The following OR9Q1 variants were observed in gnomAD, a reference collection of about 807,000 sequenced individuals.
The protein encoded by OR9Q1 is olfactory receptor family 9 subfamily Q member 1.
For synonymous variants in OR9Q1, 153 were observed against 148.6 expected (o/e 1.03, Z -0.22); for missense variants, 374 against 378.8 (o/e 0.99, Z 0.11).
chr11:58,037,689 ATTTTTTTTTTTTTTTTTTTTTTTTT>A (rs554392577), intron 1 of OR9Q1, among the ~76,000 whole-genome samples: 90 of 6,936 alleles, frequency 0.013, no homozygotes, highest in African/African-American at 0.034. Flanking sequence ...ATATATATAT[ATTTTTTTTTTTTTTTTTTTTTTTTT>A]TTTTTTTTTT....
intron 2 of OR9Q1, among the ~76,000 whole-genome samples, chr11:58,086,558 A>G (rs761604898): frequency 6.6e-6 from 1 of 151,932 alleles, no homozygotes; most frequent in Non-Finnish European, 1.5e-5. Context: ...CTACCATCCC[A>G]TGTTCATTGA....
At chr11:58,035,364 A>AT (rs1853091636) in intron 1 of OR9Q1, among the ~76,000 whole-genome samples, 2 of 152,266 alleles carry the variant, frequency 1.3e-5, no homozygotes, top group South Asian at 2.1e-4. Context: ...GCACTTAATC[A>AT]TTTTTTGTAT....
At chr11:58,064,498 T>C (rs1212031699) in intron 2 of OR9Q1, among the ~76,000 whole-genome samples, 5 of 152,114 alleles carry the variant, frequency 3.3e-5, no homozygotes, top group Non-Finnish European at 2.9e-5. Context: ...GGGCTCTGAC[T>C]CCAGGAAGGT....
At chr11:58,089,813 T>C (rs1853667234) in intron 2 of OR9Q1, among the ~76,000 whole-genome samples, 2 of 151,920 alleles carry the variant, frequency 1.3e-5, no homozygotes, top group Admixed American at 6.5e-5. Context: ...TTTGTTTGTG[T>C]CCTCTCTTAT....
chr11:58,059,645 A>C (rs1202174808), intron 2 of OR9Q1, among the ~76,000 whole-genome samples: 1 of 126,456 alleles, frequency 7.9e-6, no homozygotes, highest in African/African-American at 2.9e-5. Flanking sequence ...TCAAGATTGC[A>C]CCACTGCACT....
chr11:58,114,278 A>G (rs1250564313), intron 2 of OR9Q1, among the ~76,000 whole-genome samples: 1 of 152,132 alleles, frequency 6.6e-6, no homozygotes, highest in Non-Finnish European at 1.5e-5. Flanking sequence ...ATCCAATTGT[A>G]TCCTTGGGTG....
At chr11:58,159,499 G>C (rs1398217077) in intron 2 of OR9Q1, among the ~76,000 whole-genome samples, 1 of 151,984 alleles carries the variant, frequency 6.6e-6, no homozygotes, top group Non-Finnish European at 1.5e-5. Flanking sequence ...TGGAGGGATT[G>C]AGAAAGCTTT....
At chr11:58,132,707 A>G (rs959754793) in intron 2 of OR9Q1, among the ~76,000 whole-genome samples, 5 of 152,170 alleles carry the variant, frequency 3.3e-5, no homozygotes, top group Non-Finnish European at 5.9e-5. Context: ...CCTCATCCCC[A>G]GGGTGAGGTT....
chr11:58,139,677 C>T (rs1048300846), intron 2 of OR9Q1, among the ~76,000 whole-genome samples: 2 of 152,046 alleles, frequency 1.3e-5, no homozygotes, highest in African/African-American at 4.8e-5. Flanking sequence ...TTAATCCAGT[C>T]TATCATTGTT....
At chr11:58,068,465 G>A (rs1195902439) in intron 2 of OR9Q1, among the ~76,000 whole-genome samples, 8 of 152,232 alleles carry the variant, frequency 5.3e-5, no homozygotes, top group African/African-American at 1.2e-4. Context: ...AACAGCCCAC[G>A]GGAATGAGCC....
At chr11:58,151,452 A>C (rs543430546) in intron 2 of OR9Q1, among the ~76,000 whole-genome samples, 24 of 152,194 alleles carry the variant, frequency 1.6e-4, no homozygotes, top group Non-Finnish European at 3.4e-4. Context: ...TACTTGGGGA[A>C]GGGGATGTTC....
intron 1 of OR9Q1, among the ~76,000 whole-genome samples, chr11:58,037,689 A>ATAGTT (rs1853119570): frequency 1.4e-4 from 1 of 6,998 alleles, no homozygotes; most frequent in Non-Finnish European, 2.6e-4. Flanking sequence ...ATATATATAT[A>ATAGTT]TTTTTTTTTT....
chr11:58,041,286 G>C (rs114500886), intron 1 of OR9Q1: 2,096 of 152,950 alleles, frequency 0.014, 37 homozygotes, highest in African/African-American at 0.047. Flanking sequence ...TGTCTGCCTG[G>C]GTGGCATGGA....
chr11:58,060,933 C>T (rs909592480), intron 2 of OR9Q1, among the ~76,000 whole-genome samples: 2 of 152,138 alleles, frequency 1.3e-5, no homozygotes, highest in Non-Finnish European at 2.9e-5. Context: ...TGGTTCATGC[C>T]AGCCCTGGGA....
intron 2 of OR9Q1, among the ~76,000 whole-genome samples, chr11:58,115,367 CA>C (rs1853943002): frequency 6.6e-6 from 1 of 152,090 alleles, no homozygotes; most frequent in Middle Eastern, 3.4e-3. Flanking sequence ...GGATATTGTA[CA>C]AATTAAATAA....
At chr11:58,100,306 A>G (rs1853771321) in intron 2 of OR9Q1, among the ~76,000 whole-genome samples, 1 of 152,224 alleles carries the variant, frequency 6.6e-6, no homozygotes, top group Non-Finnish European at 1.5e-5. Context: ...AAATGGCAAC[A>G]CATACCCTTA....
intron 2 of OR9Q1, among the ~76,000 whole-genome samples, chr11:58,141,404 A>G (rs1293313467): frequency 6.6e-6 from 1 of 152,174 alleles, no homozygotes; most frequent in East Asian, 1.9e-4. Context: ...TCAATACCTA[A>G]TTTATTGAGA....
chr11:58,073,767 A>G (rs1853512672), intron 2 of OR9Q1: 1 of 152,116 alleles, frequency 6.6e-6, no homozygotes. Flanking sequence ...AGCCCCTCAT[A>G]TATTAGGTAT....
intron 2 of OR9Q1, among the ~76,000 whole-genome samples, chr11:58,158,606 A>G (rs898762198): frequency 6.6e-6 from 1 of 152,236 alleles, no homozygotes; most frequent in Middle Eastern, 3.4e-3. Flanking sequence ...CAGTGGATAC[A>G]TCATAGCCAA....
Sources: gnomAD v4.1 joint callset for allele counts (sites outside exome capture counted in the v4.1 genomes callset) on GRCh38, gnomAD v4.1.1 for gene constraint, MANE v1.5 for transcripts, NCBI Gene and HGNC (gene_info 2026-07-23, HGNC 2026-07-21) for gene names.